The following GRID2 variants were observed in gnomAD, a reference collection of about 807,000 sequenced individuals.
GRID2 encodes glutamate ionotropic receptor delta type subunit 2.
In GRID2, 33 loss-of-function variants were observed where a neutral mutation model predicts 114.8. That is an observed-to-expected ratio of 0.29 (90% CI 0.22 to 0.38). GRID2 has a LOEUF of 0.38. Ranked by LOEUF, GRID2 falls within the 10% of genes least tolerant of loss-of-function variation. GRID2 has a pLI of 1.00. For synonymous variants in GRID2, 505 were observed against 449.9 expected, an observed-to-expected ratio of 1.12 and a Z score of -1.55; for missense variants, 1,184 against 1,257.7, an observed-to-expected ratio of 0.94 and a Z score of 0.89.
At chr4:92,901,170 T>C (rs2149480473) in intron 2 of GRID2, among the ~76,000 whole-genome samples, 1 of 152,280 alleles carries the variant, frequency 6.6e-6, no homozygotes, top group Admixed American at 6.5e-5. Context: ...CCATAGATGT[T>C]GTATTAATTT....
intron 14 of GRID2, among the ~76,000 whole-genome samples, chr4:93,766,109 AGT>A (rs1733648298): frequency 6.6e-6 from 1 of 152,226 alleles, no homozygotes; most frequent in African/African-American, 2.4e-5. Flanking sequence ...ATGGAGGATG[AGT>A]ACACACTCTC....
At chr4:93,136,913 C>T (rs745761230) in intron 4 of GRID2, among the ~76,000 whole-genome samples, 7 of 152,114 alleles carry the variant, frequency 4.6e-5, no homozygotes, top group Middle Eastern at 3.2e-3. Context: ...AAATATTAAA[C>T]TCTTGCTTTC....
At chr4:93,174,209 CAA>C (rs752614656) in intron 4 of GRID2, among the ~76,000 whole-genome samples, 1 of 152,078 alleles carries the variant, frequency 6.6e-6, no homozygotes, top group South Asian at 2.1e-4. Context: ...CCGCCACAGC[CAA>C]GAGAGAGAAC....
intron 10 of GRID2, among the ~76,000 whole-genome samples, chr4:93,424,524 T>C (rs1016296666): frequency 3.3e-5 from 5 of 152,198 alleles, no homozygotes; most frequent in Non-Finnish European, 7.4e-5. Flanking sequence ...TGCCATATAT[T>C]ATTTCTGATG....
chr4:93,071,464 GAAAT>G (rs950666470), intron 2 of GRID2, among the ~76,000 whole-genome samples: 3 of 152,026 alleles, frequency 2.0e-5, no homozygotes, highest in Non-Finnish European at 4.4e-5. Context: ...TAAAAATAGA[GAAAT>G]AGATATATAA....
At chr4:92,351,045 G>A (rs1196082963) in intron 1 of GRID2, among the ~76,000 whole-genome samples, 2 of 151,634 alleles carry the variant, frequency 1.3e-5, no homozygotes, top group Admixed American at 1.3e-4. Context: ...TTATCATATG[G>A]ATATACCACA....
At chr4:92,995,617 C>T (rs983777159) in intron 2 of GRID2, among the ~76,000 whole-genome samples, 1 of 152,022 alleles carries the variant, frequency 6.6e-6, no homozygotes, top group African/African-American at 2.4e-5. Context: ...GTAATAATAA[C>T]ATTGTAATAG....
intron 8 of GRID2, among the ~76,000 whole-genome samples, chr4:93,272,716 G>A (rs548356906): frequency 6.6e-6 from 1 of 152,278 alleles, no homozygotes; most frequent in East Asian, 1.9e-4. Flanking sequence ...AGCAAGCCAT[G>A]GCAGGAGTGA....
intron 8 of GRID2, among the ~76,000 whole-genome samples, chr4:93,362,109 AG>A: frequency 6.6e-6 from 1 of 152,150 alleles, no homozygotes; most frequent in East Asian, 1.9e-4. Context: ...AGTGCACCAC[AG>A]GTTTCCAATC....
At chr4:92,879,976 T>C (rs1222565241) in intron 2 of GRID2, among the ~76,000 whole-genome samples, 1 of 151,924 alleles carries the variant, frequency 6.6e-6, no homozygotes, top group Non-Finnish European at 1.5e-5. Flanking sequence ...GTATTTATAA[T>C]TTTTTTTACC....
intron 2 of GRID2, among the ~76,000 whole-genome samples, chr4:92,793,832 T>G (rs1381192348): frequency 1.3e-5 from 2 of 151,862 alleles, no homozygotes; most frequent in Non-Finnish European, 2.9e-5. Flanking sequence ...TTAGCTCAAG[T>G]CTTCATTAAA....
chr4:93,552,634 T>G (rs1379470799), intron 13 of GRID2, among the ~76,000 whole-genome samples: 1 of 152,170 alleles, frequency 6.6e-6, no homozygotes, highest in Non-Finnish European at 1.5e-5. Context: ...TGGCCAGTGA[T>G]GATGAGCATT....
chr4:93,269,855 A>C (rs1229240815), intron 8 of GRID2, among the ~76,000 whole-genome samples: 1 of 152,186 alleles, frequency 6.6e-6, no homozygotes, highest in Admixed American at 6.5e-5. Flanking sequence ...CTTTTGGTGC[A>C]CTACCAAATA....
chr4:93,398,154 T>TATATATA (rs1560579294), intron 9 of GRID2, among the ~76,000 whole-genome samples: 4 of 146,196 alleles, frequency 2.7e-5, no homozygotes, highest in Admixed American at 6.7e-5. Context: ...TATATATATC[T>TATATATA]TATCATTAAG....
At chr4:93,695,146 G>C (rs891227638) in intron 14 of GRID2, among the ~76,000 whole-genome samples, 6 of 149,728 alleles carry the variant, frequency 4.0e-5, no homozygotes, top group Non-Finnish European at 7.4e-5. Context: ...ACTCCAGCCT[G>C]GGCAACAGAC....
chr4:92,569,410 G>C (rs868531119), intron 1 of GRID2, among the ~76,000 whole-genome samples: 1 of 152,108 alleles, frequency 6.6e-6, no homozygotes, highest in South Asian at 2.1e-4. Flanking sequence ...CTTTGTTATT[G>C]TGAATAGTGC....
intron 9 of GRID2, among the ~76,000 whole-genome samples, chr4:93,408,188 A>G (rs1373856279): frequency 1.3e-5 from 2 of 152,108 alleles, no homozygotes; most frequent in Non-Finnish European, 1.5e-5. Flanking sequence ...TTAACAGAAC[A>G]CTCATCAAAA....
rs140607769 is a variant in GRID2, at chr4:93,730,949, G to A, written c.2361-38261G>A. 1.8e-3 allele frequency among the ~76,000 whole-genome samples: 269 copies of A among 152,294 alleles called. 1 individual carries two copies. The highest frequency in any genetic ancestry group is 3.4e-3 in the Non-Finnish European group (228 of 68,020). ...CAACTCCCTTTAGAAACTGTGCCGC[G>A]CTGGCTGCACACCAAGCCCGGCGTG... is the stretch of plus-strand genomic sequence containing the variant. On this transcript the variant is annotated intron_variant, in intron 14 of 15. Coordinates refer to ENST00000282020, the MANE Select transcript of GRID2 (RefSeq NM_001510.4).
intron 8 of GRID2, among the ~76,000 whole-genome samples, chr4:93,336,644 A>G (rs1479594976): frequency 1.3e-5 from 2 of 152,158 alleles, no homozygotes; most frequent in Non-Finnish European, 2.9e-5. Flanking sequence ...TGATGTGCCA[A>G]TTGTCACTCT....
Sources: allele counts gnomAD v4.1 joint callset (sites outside exome capture counted in the v4.1 genomes callset), GRCh38; gene constraint gnomAD v4.1.1; transcripts MANE v1.5; gene names NCBI Gene and HGNC (gene_info 2026-07-23, HGNC 2026-07-21).